Variants in SCTR observed in about 807,000 individuals in gnomAD.
SCTR encodes pancreatic secretin receptor.
Under a neutral mutation model 60.8 loss-of-function variants are expected in SCTR, and 56 were observed. The ratio of observed to expected loss-of-function variants is 0.92; its 90% CI spans 0.74 to 1.15. The LOEUF is 1.15. Among genes scored for constraint, SCTR ranks in the 50% most tolerant of loss-of-function variants. The pLI is 0.00. For missense variants in SCTR, 562 were observed against 550.4 expected, an observed-to-expected ratio of 1.02 and a Z score of -0.21; for synonymous variants, 202 against 217.0, an observed-to-expected ratio of 0.93 and a Z score of 0.61.
At chr2:119,465,068 G>A (rs772811996) in intron 5 of SCTR, among the ~76,000 whole-genome samples, 67 of 152,146 alleles carry the variant, frequency 4.4e-4, no homozygotes, top group Non-Finnish European at 7.8e-4. Context: ...GGATTGGGAG[G>A]GCTCCACCCT....
chr2:119,488,397 C>T (rs1677975037), intron 2 of SCTR, among the ~76,000 whole-genome samples: 1 of 152,230 alleles, frequency 6.6e-6, no homozygotes, highest in African/African-American at 2.4e-5. Flanking sequence ...AGGGCTTGCC[C>T]AGGTCCCCCC....
At chr2:119,486,697 C>G (rs894336292) in intron 2 of SCTR, 1 of 152,118 alleles carries the variant, frequency 6.6e-6, no homozygotes, top group African/African-American at 2.4e-5. Flanking sequence ...CCCCTTGGAG[C>G]CTGTTTTCTC....
intron 1 of SCTR, among the ~76,000 whole-genome samples, chr2:119,501,796 C>T (rs1370080557): frequency 1.3e-5 from 2 of 151,164 alleles, no homozygotes; most frequent in Non-Finnish European, 2.9e-5. Context: ...AGAAGAAAAA[C>T]CTATTTGCAG....
At chr2:119,501,774 C>T (rs1253717473) in intron 1 of SCTR, among the ~76,000 whole-genome samples, 2 of 147,842 alleles carry the variant, frequency 1.4e-5, no homozygotes, top group African/African-American at 5.3e-5. Context: ...TCAAAAAATA[C>T]AAAGAAGAAG....
intron 1 of SCTR, among the ~76,000 whole-genome samples, chr2:119,512,305 T>TCTTCCCCTTCCC (rs70947298): frequency 1.7e-4 from 20 of 114,848 alleles, no homozygotes; most frequent in East Asian, 1.4e-3. Context: ...TTCCTCTTCC[T>TCTTCCCCTTCCC]CTTCCCCTTC....
intron 1 of SCTR, among the ~76,000 whole-genome samples, chr2:119,502,756 C>T (rs1490641919): frequency 6.6e-6 from 1 of 150,472 alleles, no homozygotes; most frequent in African/African-American, 2.5e-5. Context: ...CTTAGAGAGG[C>T]TGAGGCCAGA....
chr2:119,461,984 A>T lies in SCTR; in HGVS notation c.653T>A (p.Val218Asp). Residue 218 changes from valine to aspartate, a missense_variant, in exon 7 of 13, where the codon GTC (valine) becomes GAC (aspartate). Transcript: ENST00000019103. ...CDAHRAGCKLVMVLFQYCIMA... is the reference protein window; with the variant it reads ...CDAHRAGCKLDMVLFQYCIMA... ...GATGCAGTACTGGAACAGCACCATG[A>T]CCAGCTTGCAGCCCGCCTGGAGAGA... 1.2e-6 allele frequency: 2 copies of T among 1,605,878 alleles called. No individual in the cohort carries two copies. The highest frequency in any genetic ancestry group is 1.7e-6 in the Non-Finnish European group (2 of 1,176,030).
chr2:119,509,314 G>T (rs1033459435), intron 1 of SCTR, among the ~76,000 whole-genome samples: 1 of 152,184 alleles, frequency 6.6e-6, no homozygotes, highest in Non-Finnish European at 1.5e-5. Context: ...ACTTATTGCT[G>T]CATGCCACTG....
In SCTR at chr2:119,452,079, C is replaced by T. The variant is rs770279862; in HGVS notation, c.852G>A (p.Gly284=). The stretch of plus-strand genomic sequence containing the variant: ...ATGCGTTGGCATTGATGTCCCAGCA[C>T]CTAAGGGAGGGACAGCTGGGCATGG... ...AIARHFLEDV[G]CWDINANASI... Residue 284 remains glycine, a splice_region_variant and synonymous_variant, in exon 9 of 13, where the codon GGG becomes GGA. Transcript: ENST00000019103. 6 of 1,594,086 alleles carry T rather than the reference C, an allele frequency of 3.8e-6. No individual in the cohort carries two copies. In the South Asian group the frequency reaches 4.5e-5, roughly 12 times the overall value.
At chr2:119,475,700 AAT>A (rs1269619809) in intron 3 of SCTR, among the ~76,000 whole-genome samples, 2 of 147,044 alleles carry the variant, frequency 1.4e-5, no homozygotes, top group Admixed American at 6.8e-5. Context: ...ATATAAAATA[AAT>A]ATATATATTA....
At chr2:119,480,733 G>T (rs1182624442) in intron 2 of SCTR, 1 of 152,272 alleles carries the variant, frequency 6.6e-6, no homozygotes, top group African/African-American at 2.4e-5. Context: ...CAGGGAAACT[G>T]CTTCCTGCAA....
intron 8 of SCTR, 85 bp downstream of exon 8, chr2:119,453,202 A>T: frequency 9.5e-7 from 1 of 1,056,560 alleles, no homozygotes; most frequent in Non-Finnish European, 1.5e-6. Flanking sequence ...GGCCTTTCCT[A>T]GATAGCTCCA....
intron 11 of SCTR, among the ~76,000 whole-genome samples, chr2:119,443,767 G>A (rs142926896): frequency 1.8e-3 from 278 of 152,206 alleles, no homozygotes; most frequent in African/African-American, 5.9e-3. Context: ...GGCTGGTCTC[G>A]AACTCCTGAG....
At chr2:119,481,388 G>A (rs1361563705) in intron 2 of SCTR, among the ~76,000 whole-genome samples, 9 of 152,140 alleles carry the variant, frequency 5.9e-5, no homozygotes, top group Non-Finnish European at 1.3e-4. Flanking sequence ...GAATGAGCTG[G>A]GTGCCTGTCA....
chr2:119,491,370 C>A (rs2918940), intron 2 of SCTR, among the ~76,000 whole-genome samples: 132,493 of 152,244 alleles, frequency 0.87, 57,871 homozygotes, highest in African/African-American at 0.94. Flanking sequence ...AGTCAGGCTC[C>A]GGCCTTGGCT....
chr2:119,519,010 C>T (rs1679200656), intron 1 of SCTR, among the ~76,000 whole-genome samples: 1 of 152,108 alleles, frequency 6.6e-6, no homozygotes, highest in South Asian at 2.1e-4. Context: ...TCTTGCTGCC[C>T]AGACTGGAGT....
At chr2:119,460,349 C>T (rs75372363) in intron 7 of SCTR, among the ~76,000 whole-genome samples, 2,978 of 152,024 alleles carry the variant, frequency 0.02, 114 homozygotes, top group African/African-American at 0.068. Flanking sequence ...CTTAGGGTAA[C>T]GTTCATGTTT....
intron 7 of SCTR, among the ~76,000 whole-genome samples, chr2:119,461,120 C>T (rs1041060728): frequency 1.3e-5 from 2 of 152,182 alleles, no homozygotes; most frequent in Non-Finnish European, 2.9e-5. Flanking sequence ...TCAGCCTCTC[C>T]TGAAGTTGGT....
At chr2:119,453,729 C>T (rs868305236) in intron 7 of SCTR, among the ~76,000 whole-genome samples, 26 of 152,264 alleles carry the variant, frequency 1.7e-4, no homozygotes, top group Middle Eastern at 6.8e-3. Flanking sequence ...TGCCTGGCCA[C>T]GTGCAGCGGG....
Sources: allele counts gnomAD v4.1 joint callset (sites outside exome capture counted in the v4.1 genomes callset), GRCh38; gene constraint gnomAD v4.1.1; transcripts MANE v1.5; gene names NCBI Gene and HGNC (gene_info 2026-07-23, HGNC 2026-07-21).